The following IL1RAPL1 variants were observed in gnomAD, a reference collection of about 807,000 sequenced individuals.
The protein encoded by IL1RAPL1 is interleukin 1 receptor accessory protein like 1.
IL1RAPL1 carries 3 observed loss-of-function variants against 48.4 expected under a neutral mutation model. The observed-to-expected ratio is 0.06, with a 90% CI of 0.03 to 0.16. IL1RAPL1 has a LOEUF of 0.16. Ranked by LOEUF, IL1RAPL1 falls within the 10% of genes least tolerant of loss-of-function variation. IL1RAPL1 has a pLI of 1.00. For missense variants in IL1RAPL1, 349 were observed against 530.6 expected (o/e 0.66, Z 3.36); for synonymous variants, 185 against 187.7 (o/e 0.99, Z 0.12).
intron 5 of IL1RAPL1, among the ~76,000 whole-genome samples, chrX:29,491,735 C>G (rs892105607): frequency 6.3e-5 from 7 of 111,220 alleles, no homozygotes; most frequent in African/African-American, 2.3e-4. Context: ...TGTTCCTTCT[C>G]TAAGCAAAAT....
chrX:29,773,046 AATAG>A (rs771743397), intron 6 of IL1RAPL1, among the ~76,000 whole-genome samples: 59 of 112,246 alleles, frequency 5.3e-4, no homozygotes, highest in African/African-American at 1.6e-3. Flanking sequence ...AATTTGAAAT[AATAG>A]ATGTGGAGAG....
At chrX:29,411,155 T>C (rs1934138510) in intron 5 of IL1RAPL1, among the ~76,000 whole-genome samples, 1 of 111,711 alleles carries the variant, frequency 9.0e-6, no homozygotes, top group Non-Finnish European at 1.9e-5. Flanking sequence ...AGGCCAAGAG[T>C]TTGAGACCAG....
At chrX:29,629,979 A>G (rs1367240052) in intron 5 of IL1RAPL1, among the ~76,000 whole-genome samples, 2 of 112,153 alleles carry the variant, frequency 1.8e-5, no homozygotes, top group Non-Finnish European at 3.8e-5. Context: ...AAAATATTTT[A>G]TTATACCTAA....
chrX:28,700,801 G>T, intron 1 of IL1RAPL1, among the ~76,000 whole-genome samples: 1 of 110,979 alleles, frequency 9.0e-6, no homozygotes, highest in Non-Finnish European at 1.9e-5. Flanking sequence ...AGAACATGCG[G>T]TGTTTGATTT....
intron 5 of IL1RAPL1, among the ~76,000 whole-genome samples, chrX:29,506,004 T>G (rs953117426): frequency 1.8e-5 from 2 of 112,433 alleles, no homozygotes; most frequent in African/African-American, 6.5e-5. Context: ...TGATTCATTC[T>G]GCTCTTGAGA....
chrX:29,830,015 G>C (rs1930837445), intron 6 of IL1RAPL1, among the ~76,000 whole-genome samples: 1 of 112,024 alleles, frequency 8.9e-6, no homozygotes, highest in Admixed American at 9.5e-5. Context: ...AAAAAGGCTT[G>C]CTGCAAATGT....
intron 2 of IL1RAPL1, among the ~76,000 whole-genome samples, chrX:28,824,655 A>G (rs188055359): frequency 9.0e-6 from 1 of 111,515 alleles, no homozygotes; most frequent in Admixed American, 9.6e-5. Flanking sequence ...TGTTTTGTAC[A>G]TCAAAGTATA....
At chrX:28,677,660 T>C (rs755897819) in intron 1 of IL1RAPL1, among the ~76,000 whole-genome samples, 3 of 110,472 alleles carry the variant, frequency 2.7e-5, no homozygotes, top group African/African-American at 9.9e-5. Context: ...TGATTTTGGC[T>C]CACTGTATCC....
At chrX:29,670,947 G>A (rs1355029373) in intron 6 of IL1RAPL1, among the ~76,000 whole-genome samples, 3 of 111,663 alleles carry the variant, frequency 2.7e-5, no homozygotes, top group African/African-American at 9.8e-5. Context: ...GCCTCCACTT[G>A]TTCCCAAATT....
chrX:29,541,030 C>T lies in IL1RAPL1; in HGVS notation c.704-127400C>T, dbSNP rs377539768. On this transcript the variant is annotated intron_variant, in intron 5 of 10. Coordinates refer to ENST00000378993, the MANE Select transcript of IL1RAPL1 (RefSeq NM_014271.4). ...TGGGAGAAAATATTTGCAAATATGC[C>T]TCTGACAAAGGTCTAATATTTAGAA... 5.4e-5 allele frequency among the ~76,000 whole-genome samples: 6 copies of T among 111,670 alleles called. No homozygotes were observed. The East Asian group carries it at 1.1e-3, about 21-fold the overall frequency.
At chrX:28,780,442 A>C (rs181386703) in intron 1 of IL1RAPL1, among the ~76,000 whole-genome samples, 2 of 108,865 alleles carry the variant, frequency 1.8e-5, no homozygotes, top group East Asian at 5.8e-4. Flanking sequence ...GATCCATTAA[A>C]GTGGATCATA....
chrX:29,685,889 G>A (rs1045366739), intron 6 of IL1RAPL1, among the ~76,000 whole-genome samples: 2 of 109,663 alleles, frequency 1.8e-5, no homozygotes, highest in African/African-American at 6.7e-5. Flanking sequence ...GGAGGCTGAG[G>A]CAGGAGAATC....
At chrX:29,767,565 C>CA (rs1422614342) in intron 6 of IL1RAPL1, among the ~76,000 whole-genome samples, 1 of 111,442 alleles carries the variant, frequency 9.0e-6, no homozygotes, top group Non-Finnish European at 1.9e-5. Flanking sequence ...TAATTGCTAA[C>CA]CAAGTGATAT....
chrX:29,293,982 A>G (rs943932931), intron 3 of IL1RAPL1, among the ~76,000 whole-genome samples: 7 of 110,495 alleles, frequency 6.3e-5, no homozygotes, highest in African/African-American at 2.3e-4. Context: ...AAAGAATAGG[A>G]AGTTAAGATT....
chrX:29,053,879 A>G (rs1927153177), intron 2 of IL1RAPL1, among the ~76,000 whole-genome samples: 1 of 111,660 alleles, frequency 9.0e-6, no homozygotes, highest in South Asian at 3.8e-4. Flanking sequence ...AGATAATTGT[A>G]GGAGTGCAGC....
At chrX:29,226,215 AATG>A (rs1931074990) in intron 2 of IL1RAPL1, among the ~76,000 whole-genome samples, 1 of 111,615 alleles carries the variant, frequency 9.0e-6, no homozygotes, top group African/African-American at 3.3e-5. Context: ...ATATTTATAG[AATG>A]ATATCTTTTC....
intron 2 of IL1RAPL1, among the ~76,000 whole-genome samples, chrX:29,220,520 G>A (rs1375703588): frequency 9.0e-6 from 1 of 111,148 alleles, no homozygotes; most frequent in Non-Finnish European, 1.9e-5. Flanking sequence ...CTGTAGTGAG[G>A]GAGCTACTCT....
intron 2 of IL1RAPL1, among the ~76,000 whole-genome samples, chrX:29,109,687 G>A (rs901265121): frequency 2.7e-5 from 3 of 110,289 alleles, no homozygotes; most frequent in African/African-American, 9.9e-5. Context: ...GTTTGTACTC[G>A]GATTGATTTA....
At chrX:29,512,799 A>G (rs759292951) in intron 5 of IL1RAPL1, among the ~76,000 whole-genome samples, 1 of 111,751 alleles carries the variant, frequency 8.9e-6, no homozygotes, top group Admixed American at 9.5e-5. Context: ...ACACTTTCAC[A>G]GTCAGAATGT....
Sources: gnomAD v4.1 joint callset for allele counts (sites outside exome capture counted in the v4.1 genomes callset) on GRCh38, gnomAD v4.1.1 for gene constraint, MANE v1.5 for transcripts, NCBI Gene and HGNC (gene_info 2026-07-23, HGNC 2026-07-21) for gene names.